Variants in ACOXL observed in about 807,000 individuals in gnomAD.
ACOXL encodes acyl-CoA oxidase like.
ACOXL carries 70 observed loss-of-function variants against 71.9 expected under a neutral mutation model. That is an observed-to-expected ratio of 0.97 (90% CI 0.80 to 1.19). The LOEUF (loss-of-function observed/expected upper bound fraction) is 1.19. Ranked by LOEUF, ACOXL falls within the 50% of genes most tolerant of loss-of-function variation. ACOXL has a pLI of 0.00. For synonymous variants in ACOXL, 253 were observed against 281.6 expected (o/e 0.90, Z 1.02); for missense variants, 703 against 736.3 (o/e 0.95, Z 0.52).
intron 11 of ACOXL, among the ~76,000 whole-genome samples, chr2:110,927,277 A>G (rs548306620): frequency 3.3e-5 from 5 of 152,238 alleles, no homozygotes; most frequent in African/African-American, 1.2e-4. Flanking sequence ...CTCCCCCAAC[A>G]CATGGGAATT....
At chr2:110,978,874 G>A (rs1329224580) in intron 12 of ACOXL, among the ~76,000 whole-genome samples, 2 of 152,078 alleles carry the variant, frequency 1.3e-5, no homozygotes, top group Admixed American at 1.3e-4. Flanking sequence ...ACAGCTTTAA[G>A]ACAAGTTACT....
intron 16 of ACOXL, among the ~76,000 whole-genome samples, chr2:111,083,567 T>G (rs1015999938): frequency 6.6e-6 from 1 of 151,862 alleles, no homozygotes; most frequent in Non-Finnish European, 1.5e-5. Flanking sequence ...TTTTTTTGTT[T>G]TTTTTTTTGA....
rs971782962 is a variant in ACOXL at position 110,762,521 on chromosome 2, G to C, written c.-22-5847G>C. On this transcript the variant is annotated intron_variant, in intron 1 of 17. Coordinates refer to ENST00000439055, the MANE Select transcript of ACOXL (RefSeq NM_001142807.4). ...TATCGCATTCTATATTTTCTTAGTG[G>C]TTGCTTGAGGTGTTATAGTACATAC... Among the ~76,000 whole-genome samples, 4 of 151,786 alleles carry C rather than the reference G, an allele frequency of 2.6e-5. 1 individual carries two copies. Among genetic ancestry groups the C allele is most frequent in the African/African-American group, 9.7e-5 (4 of 41,296 alleles).
chr2:110,854,950 T>C (rs1693057494), intron 10 of ACOXL, among the ~76,000 whole-genome samples: 1 of 152,196 alleles, frequency 6.6e-6, no homozygotes, highest in Non-Finnish European at 1.5e-5. Flanking sequence ...AACTCTTGCT[T>C]TAAGAAACTG....
intron 17 of ACOXL, chr2:111,093,484 C>A (rs1015509506): frequency 6.2e-7 from 1 of 1,614,030 alleles, no homozygotes; most frequent in Non-Finnish European, 8.5e-7. Flanking sequence ...ATCCTTTCTG[C>A]AGGAGAGATG....
At position 110,892,733 on chromosome 2, in the gene ACOXL, G is replaced by A. The variant is rs1249412299; in HGVS notation, c.789-16056G>A. On this transcript the variant is annotated intron_variant, in intron 10 of 17. Transcript: ENST00000439055. ...GCCTGAAAAAAGCTATATCCAGGGA[G>A]GCTCAGGACTTGTATTAACTTCCTG... Among the ~76,000 whole-genome samples the A allele has an allele frequency of 2.0e-5, 3 of 152,168 alleles. No individual in the cohort carries two copies. The South Asian group carries it at 6.2e-4, about 31-fold the overall frequency.
chr2:110,978,109 T>C (rs1319260954), intron 12 of ACOXL, among the ~76,000 whole-genome samples: 1 of 152,224 alleles, frequency 6.6e-6, no homozygotes, highest in Non-Finnish European at 1.5e-5. Flanking sequence ...TGTCTTCTTC[T>C]GTAACAGAAT....
At chr2:110,768,269 TG>T in intron 1 of ACOXL, 98 bp from the exon 2 acceptor site, 2 of 888,102 alleles carry the variant, frequency 2.3e-6, no homozygotes, top group Non-Finnish European at 3.6e-6. Context: ...AGCATTACAA[TG>T]GACACAGCTT....
At chr2:111,115,151 T>C (rs2070256163) in intron 17 of ACOXL, among the ~76,000 whole-genome samples, 1 of 152,216 alleles carries the variant, frequency 6.6e-6, no homozygotes, top group South Asian at 2.1e-4. Flanking sequence ...TTTGTAAAGA[T>C]ATGGGTAAGC....
chr2:111,043,318 C>CAGACCTTT (rs1392412558), intron 15 of ACOXL, among the ~76,000 whole-genome samples: 1 of 152,250 alleles, frequency 6.6e-6, no homozygotes, highest in Non-Finnish European at 1.5e-5. Context: ...AGGCCCCTGT[C>CAGACCTTT]AACCCTCCGT....
intron 2 of ACOXL, among the ~76,000 whole-genome samples, chr2:110,783,307 G>A (rs1683565950): frequency 6.6e-6 from 1 of 152,128 alleles, no homozygotes; most frequent in Non-Finnish European, 1.5e-5. Flanking sequence ...ATTATTTGTT[G>A]GTAATAACTT....
intron 9 of ACOXL, among the ~76,000 whole-genome samples, chr2:110,822,177 A>G (rs1688691448): frequency 6.6e-6 from 1 of 152,062 alleles, no homozygotes; most frequent in Non-Finnish European, 1.5e-5. Context: ...AGGCCTTTCC[A>G]GTTGATAAGC....
intron 12 of ACOXL, among the ~76,000 whole-genome samples, chr2:110,948,764 C>T (rs189051858): frequency 2.7e-5 from 4 of 149,878 alleles, no homozygotes; most frequent in African/African-American, 7.4e-5. Flanking sequence ...TGGGCTCCTG[C>T]TCAGCCCTAG....
In ACOXL at chr2:111,031,688, C is replaced by T; in HGVS notation, c.1343C>T (p.Ser448Phe). 3 of 1,614,180 alleles carry T rather than the reference C, an allele frequency of 1.9e-6. No homozygotes were observed. The highest frequency in any genetic ancestry group is 2.5e-6 in the Non-Finnish European group (3 of 1,180,040). ...AWNSCLHHVA[S>F]LSLAHTHRVT... ...AACTCGTGTCTGCACCACGTGGCTT[C>T]TCTGTCCCTGGCACACACTCACCGA... Residue 448 changes from serine (S) to phenylalanine (F), a missense_variant, in exon 15 of 18, where the codon TCT becomes TTT. Ser to Phe is a radical substitution (Grantham distance 155, BLOSUM62 -2). Coordinates refer to ENST00000439055, the MANE Select transcript of ACOXL (RefSeq NM_001142807.4).
chr2:110,877,803 G>A (rs1485839191), intron 10 of ACOXL, among the ~76,000 whole-genome samples: 1 of 152,214 alleles, frequency 6.6e-6, no homozygotes, highest in African/African-American at 2.4e-5. Flanking sequence ...AGCAGTGCCC[G>A]GCTTCACTGC....
At chr2:110,976,191 G>C (rs1032744958) in intron 12 of ACOXL, among the ~76,000 whole-genome samples, 25 of 152,212 alleles carry the variant, frequency 1.6e-4, no homozygotes, top group Admixed American at 1.6e-3. Flanking sequence ...AGGCCTGAGA[G>C]TCTGATTGAC....
intron 16 of ACOXL, among the ~76,000 whole-genome samples, chr2:111,091,559 T>C (rs559360335): frequency 1.1e-4 from 17 of 152,326 alleles, no homozygotes; most frequent in Admixed American, 5.9e-4. Flanking sequence ...ATAATTTATA[T>C]GATTTATTAT....
At chr2:110,883,911 C>T (rs1041036805) in intron 10 of ACOXL, among the ~76,000 whole-genome samples, 1 of 152,072 alleles carries the variant, frequency 6.6e-6, no homozygotes, top group Non-Finnish European at 1.5e-5. Context: ...ATATAGTACA[C>T]ACTTAAATAT....
chr2:110,926,142 T>G (rs753409173), intron 11 of ACOXL, among the ~76,000 whole-genome samples: 6 of 152,146 alleles, frequency 3.9e-5, no homozygotes, highest in Non-Finnish European at 4.4e-5. Context: ...AGATCACTAA[T>G]GACAGATCAC....
Sources: gnomAD v4.1 joint callset for allele counts (sites outside exome capture counted in the v4.1 genomes callset) on GRCh38, gnomAD v4.1.1 for gene constraint, MANE v1.5 for transcripts, NCBI Gene and HGNC (gene_info 2026-07-23, HGNC 2026-07-21) for gene names.